Variants in SLC44A5 observed in about 807,000 individuals in gnomAD.
SLC44A5 encodes choline transporter-like protein 5.
SLC44A5 carries 57 observed loss-of-function variants against 101.8 expected under a neutral mutation model. The ratio of observed to expected loss-of-function variants is 0.56; its 90% CI spans 0.45 to 0.70. SLC44A5 has a LOEUF of 0.70. Among genes scored for constraint, SLC44A5 ranks in the 30% least tolerant of loss-of-function variants. The probability of loss-of-function intolerance (pLI) is 0.00; values close to 1 mark genes in which losing one functional copy is unlikely to be tolerated. For synonymous variants in SLC44A5, 281 were observed against 290.9 expected (o/e 0.97, Z 0.35); for missense variants, 737 against 853.1 (o/e 0.86, Z 1.70).
chr1:75,619,984 T>C, the SLC44A5 span, among the ~76,000 whole-genome samples: 1 of 152,068 alleles, frequency 6.6e-6, no homozygotes, highest in Non-Finnish European at 1.5e-5. Context: ...CCTCCCCTAG[T>C]CCCCCACTCA....
At chr1:75,623,402 A>G in the SLC44A5 span, among the ~76,000 whole-genome samples, 1 of 152,140 alleles carries the variant, frequency 6.6e-6, no homozygotes, top group African/African-American at 2.4e-5. Flanking sequence ...AGGCCCAGGT[A>G]GGAAATTCAA....
chr1:75,541,856 A>G (rs1470275874), intron 1 of SLC44A5, among the ~76,000 whole-genome samples: 2 of 152,006 alleles, frequency 1.3e-5, no homozygotes, highest in Non-Finnish European at 1.5e-5. Flanking sequence ...TTCCATCCTC[A>G]TGCACCATTT....
chr1:75,287,882 C>T (rs557993527), intron 5 of SLC44A5, among the ~76,000 whole-genome samples: 72 of 152,108 alleles, frequency 4.7e-4, no homozygotes, highest in Non-Finnish European at 8.2e-4. Context: ...TGTGAGGGTC[C>T]TTGGTTGTAG....
At chr1:75,717,618 T>C in the SLC44A5 span, among the ~76,000 whole-genome samples, 1 of 152,074 alleles carries the variant, frequency 6.6e-6, no homozygotes, top group African/African-American at 2.4e-5. Context: ...ATAATTTTTT[T>C]AAAAAAATAA....
At chr1:75,475,741 A>G (rs1667351936) in intron 2 of SLC44A5, among the ~76,000 whole-genome samples, 1 of 152,262 alleles carries the variant, frequency 6.6e-6, no homozygotes, top group Non-Finnish European at 1.5e-5. Flanking sequence ...GAGAAGCAAT[A>G]TAGTATATGT....
chr1:75,386,052 C>G (rs931360106), intron 3 of SLC44A5, among the ~76,000 whole-genome samples: 1 of 152,004 alleles, frequency 6.6e-6, no homozygotes, highest in Non-Finnish European at 1.5e-5. Flanking sequence ...ATTGATGGGA[C>G]GTATTTCAAA....
chr1:75,253,312 C>CACAAGGA (rs1649736430), intron 6 of SLC44A5, among the ~76,000 whole-genome samples: 54 of 152,266 alleles, frequency 3.5e-4, no homozygotes, highest in African/African-American at 1.2e-3. Flanking sequence ...AGAAATGAAA[C>CACAAGGA]TGAAATCTTA....
the SLC44A5 span, among the ~76,000 whole-genome samples, chr1:75,711,703 C>G: frequency 6.7e-4 from 102 of 152,280 alleles, no homozygotes; most frequent in Admixed American, 1.2e-3. Context: ...GTGACTCAGG[C>G]AAGAGATGTG....
rs1241063318 is a variant in SLC44A5 at position 75,251,291 on chromosome 1, G to T, written c.264C>A (p.Asn88Lys). ...GGTTAAAGTAAAACAAAATGGTCTT[G>T]TTCCTGTTAAGAAAGAAAACATAAT... ...FCGQKGTPNE[N>K]KTILFYFNLL... The change falls in exon 7 of 24, where the codon AAC becomes AAA. Residue 88 changes from asparagine (N) to lysine (K), a missense_variant. This residue lies in a region of SLC44A5 where 665 missense variants were observed against 764.4 expected (regional missense o/e 0.87). Coordinates refer to ENST00000370859, the MANE Select transcript of SLC44A5 (RefSeq NM_001130058.2). 1.2e-6 allele frequency: 2 copies of T among 1,610,864 alleles called. No homozygotes were observed. The highest frequency in any genetic ancestry group is 1.7e-5 in the Admixed American group (1 of 59,624).
At chr1:75,456,841 C>T (rs985740856) in intron 2 of SLC44A5, among the ~76,000 whole-genome samples, 1 of 152,216 alleles carries the variant, frequency 6.6e-6, no homozygotes, top group African/African-American at 2.4e-5. Context: ...ATGCTTGCCA[C>T]AGTTATAAGA....
chr1:75,642,110 T>C, the SLC44A5 span: 6 of 1,127,662 alleles, frequency 5.3e-6, no homozygotes, highest in East Asian at 1.2e-4. Context: ...TTGATGTAGA[T>C]ATAATTGAAG....
At chr1:75,456,220 T>C (rs1666181454) in intron 2 of SLC44A5, among the ~76,000 whole-genome samples, 1 of 152,170 alleles carries the variant, frequency 6.6e-6, no homozygotes, top group African/African-American at 2.4e-5. Context: ...TGGAAGCAGC[T>C]GGAGGCCATT....
intron 2 of SLC44A5, among the ~76,000 whole-genome samples, chr1:75,476,775 C>T (rs1667436256): frequency 6.6e-6 from 1 of 152,256 alleles, no homozygotes; most frequent in Non-Finnish European, 1.5e-5. Flanking sequence ...GAGCCCACCA[C>T]AGCTCAAGGA....
chr1:75,445,957 CT>C (rs1215384287), intron 2 of SLC44A5, among the ~76,000 whole-genome samples: 1 of 152,164 alleles, frequency 6.6e-6, no homozygotes, highest in Admixed American at 6.6e-5. Context: ...TTCTGTTTCT[CT>C]TGTACCTCAC....
At chr1:75,718,074 A>G in the SLC44A5 span, among the ~76,000 whole-genome samples, 2 of 152,236 alleles carry the variant, frequency 1.3e-5, no homozygotes, top group Non-Finnish European at 2.9e-5. Context: ...TGATAGGATT[A>G]TGAAAGTTAA....
At chr1:75,513,347 C>T (rs557085499) in intron 2 of SLC44A5, among the ~76,000 whole-genome samples, 1 of 152,282 alleles carries the variant, frequency 6.6e-6, no homozygotes, top group African/African-American at 2.4e-5. Context: ...AGTCACTTGG[C>T]TTCTCAAATT....
intron 1 of SLC44A5, among the ~76,000 whole-genome samples, chr1:75,561,600 C>G (rs1478752652): frequency 1.3e-5 from 2 of 152,062 alleles, no homozygotes; most frequent in African/African-American, 4.8e-5. Context: ...TTGGAAGAGT[C>G]CTACAATTGC....
At chr1:75,608,656 C>T (rs1039979304) in intron 1 of SLC44A5, among the ~76,000 whole-genome samples, 12 of 151,848 alleles carry the variant, frequency 7.9e-5, no homozygotes, top group African/African-American at 2.7e-4. Flanking sequence ...CTATTTCTAT[C>T]CCCCTTACTA....
At chr1:75,656,328 G>A in the SLC44A5 span, among the ~76,000 whole-genome samples, 29 of 152,130 alleles carry the variant, frequency 1.9e-4, no homozygotes, top group Non-Finnish European at 4.0e-4. Context: ...CATAAAATTC[G>A]CTGGTAAAAG....
Sources: allele counts gnomAD v4.1 joint callset (sites outside exome capture counted in the v4.1 genomes callset), GRCh38; gene constraint gnomAD v4.1.1; regional missense constraint gnomAD v4.1.1; transcripts MANE v1.5; gene names NCBI Gene and HGNC (gene_info 2026-07-23, HGNC 2026-07-21).